The following SP5 variants were observed in gnomAD, a reference collection of about 807,000 sequenced individuals.
SP5 encodes the protein Sp5 transcription factor.
SP5 carries 12 observed loss-of-function variants against 27.4 expected under a neutral mutation model. The ratio of observed to expected loss-of-function variants is 0.44; its 90% CI spans 0.28 to 0.71. The LOEUF is 0.71. SP5 is among the 30% of genes least tolerant of loss of function. The pLI is 0.15. For missense variants in SP5, 660 were observed against 589.8 expected (o/e 1.12, Z -1.23); for synonymous variants, 330 against 290.7 (o/e 1.14, Z -1.38).
Position 170,717,298 on chromosome 2 carries a change from G to A in SP5, c.1091G>A (p.Arg364His), listed in dbSNP as rs1174764296. The change falls in exon 2 of 2, where the codon CGC becomes CAC. Residue 364 changes from arginine (R) to histidine (H), a missense_variant. Physicochemically the swap from Arg to His is conservative, Grantham distance 29. Transcript: ENST00000375281. ...TTTGCCTGTCCCGAGTGCGGCAAGC[G>A]CTTCATGCGCAGCGACCACCTCGCG... Reference protein sequence around the residue: ...KRFACPECGKRFMRSDHLAKH... With the variant: ...KRFACPECGKHFMRSDHLAKH... 35 of 1,609,820 alleles carry A rather than the reference G, an allele frequency of 2.2e-5. No individual in the cohort carries two copies. Among genetic ancestry groups the A allele is most frequent in the Non-Finnish European group, 2.8e-5 (33 of 1,179,860 alleles).
At position 170,716,648 on chromosome 2, in the gene SP5, G is replaced by T; in HGVS notation, c.441G>T (p.Val147=). Residue 147 remains valine, a synonymous_variant, in exon 2 of 2, where the codon GTG becomes GTT. Coordinates refer to ENST00000375281, the MANE Select transcript of SP5 (RefSeq NM_001003845.3). ...ALPASCAPAY[V]PYAAQAALPP... ...CCGCCAGCTGCGCGCCCGCCTACGT[G>T]CCCTACGCGGCGCAGGCCGCGCTGC... 1.2e-6 allele frequency: 2 copies of T among 1,604,446 alleles called. No individual in the cohort carries two copies. Among genetic ancestry groups the T allele is most frequent in the African/African-American group, 2.7e-5 (2 of 74,316 alleles).
chr2:170,716,779 G>A lies in SP5; in HGVS notation c.572G>A (p.Ser191Asn). The change falls in exon 2 of 2, where the codon AGC becomes AAC. Residue 191 changes from serine (S) to asparagine (N), a missense_variant. Physicochemically the swap from Ser to Asn is conservative, Grantham distance 46. Transcript: ENST00000375281. Reference protein sequence around the residue: ...NPAPDDLPWWSIPQAGAGPGA... With the variant: ...NPAPDDLPWWNIPQAGAGPGA... ...GCCCCCGACGACCTCCCGTGGTGGAGCATCCCGCAGGCGGGCGCCGGGCCG... is the reference window on the plus strand; with the variant it reads ...GCCCCCGACGACCTCCCGTGGTGGAACATCCCGCAGGCGGGCGCCGGGCCG... 1 of 1,432,738 alleles carries A rather than the reference G, an allele frequency of 7.0e-7. No homozygotes were observed. Among genetic ancestry groups the A allele is most frequent in the East Asian group, 3.0e-5 (1 of 33,014 alleles). The allele number at this position is 1,432,738 out of a possible 1,614,324, so 88.8% of individuals were successfully genotyped here. A position where few individuals can be genotyped will look rare whatever the true frequency, so the allele number is the denominator to read the frequency against.
At chr2:170,715,598 TG>T in intron 1 of SP5, 35 bp downstream of exon 1, 2 of 1,538,844 alleles carry the variant, frequency 1.3e-6, no homozygotes, top group Non-Finnish European at 8.8e-7. Flanking sequence ...GGGAGAAAGG[TG>T]GAAAGGGCCG....
chr2:170,715,348 G>T lies in SP5; in HGVS notation c.-165G>T. Reference sequence around the variant, plus strand: ...ATCCTGAAGCGCTCAGACCGCGCGCGGGGCGAGCGAGCGGGGCGCGGCGAG... The same window carrying T: ...ATCCTGAAGCGCTCAGACCGCGCGCTGGGCGAGCGAGCGGGGCGCGGCGAG... On this transcript the variant is annotated 5_prime_UTR_variant, in exon 1 of 2. Transcript: ENST00000375281. 6 of 863,376 alleles carry T rather than the reference G, an allele frequency of 6.9e-6. No individual in the cohort carries two copies. The highest frequency in any genetic ancestry group is 2.4e-5 in the South Asian group (1 of 42,200). 53.5% of individuals were successfully genotyped at this position (863,376 alleles called of 1,614,324 possible).
At position 170,715,554 on chromosome 2, in the gene SP5, C is replaced by G. The variant is rs1476107190; in HGVS notation, c.42C>G (p.Ala14=). The change falls in exon 1 of 2, where the codon GCC becomes GCG. Residue 14 remains alanine (A), a synonymous_variant. Transcript: ENST00000375281. ...VAVLRNDSLQ[A]FLQDRTPSAS... Reference sequence around the variant, plus strand: ...TCCTCCGGAACGACTCGCTGCAGGCCTTTCTCCAGGTCAGGGCCGAGCCCG... The same window carrying G: ...TCCTCCGGAACGACTCGCTGCAGGCGTTTCTCCAGGTCAGGGCCGAGCCCG... 5 of 1,557,916 alleles carry G rather than the reference C, an allele frequency of 3.2e-6. No individual in the cohort carries two copies. Among genetic ancestry groups the G allele is most frequent in the Non-Finnish European group, 4.3e-6 (5 of 1,151,752 alleles).
In SP5 at chr2:170,716,722, C is replaced by T; in HGVS notation, c.515C>T (p.Pro172Leu). Reference protein sequence around the residue: ...LLPPPPPPPPPPTCRQLSPNP... With the variant: ...LLPPPPPPPPLPTCRQLSPNP... Reference sequence around the variant, plus strand: ...CCTCCGCCGCCGCCACCGCCCCCGCCGCCCACCTGCCGCCAGTTGTCACCC... The same window carrying T: ...CCTCCGCCGCCGCCACCGCCCCCGCTGCCCACCTGCCGCCAGTTGTCACCC... The change falls in exon 2 of 2, where the codon CCG (proline) becomes CTG (leucine). Residue 172 changes from proline to leucine, a missense_variant. Physicochemically the swap from Pro to Leu is moderately conservative, Grantham distance 98. Transcript: ENST00000375281. The T allele has an allele frequency of 6.7e-7, 1 of 1,489,220 alleles. No homozygotes were observed. Among genetic ancestry groups the T allele is most frequent in the Non-Finnish European group, 8.9e-7 (1 of 1,127,440 alleles). 92.3% of individuals were successfully genotyped at this position (1,489,220 alleles called of 1,614,324 possible).
At position 170,716,828 on chromosome 2, in the gene SP5, C is replaced by G. The variant is rs1401267918; in HGVS notation, c.621C>G (p.Ser207Arg). The G allele has an allele frequency of 3.6e-6, 5 of 1,401,126 alleles. No homozygotes were observed. Among genetic ancestry groups the G allele is most frequent in the Non-Finnish European group, 4.6e-6 (5 of 1,082,888 alleles). The allele number at this position is 1,401,126 out of a possible 1,614,324, so 86.8% of individuals were successfully genotyped here. A position where few individuals can be genotyped will look rare whatever the true frequency, so the allele number is the denominator to read the frequency against. The change falls in exon 2 of 2, where the codon AGC becomes AGG. Residue 207 changes from serine to arginine, a missense_variant. Physicochemically the swap from Ser to Arg is moderately radical, Grantham distance 110. Transcript: ENST00000375281. The part of the protein sequence containing the change: ...AGPGASGVPG[S>R]GLSGACAGAP... ...CGGGGGCCTCCGGGGTTCCGGGAAG[C>G]GGCCTCTCCGGCGCCTGTGCCGGGG... is the stretch of plus-strand genomic sequence containing the variant.
In SP5 at chr2:170,717,067, A is replaced by T; in HGVS notation, c.860A>T (p.Glu287Val). The T allele has an allele frequency of 6.4e-7, 1 of 1,554,622 alleles. No homozygotes were observed. The highest frequency in any genetic ancestry group is 8.7e-7 in the Non-Finnish European group (1 of 1,150,294). ...PNCQAAGGAP[E>V]AEPGKKKQHV... is the part of the protein sequence containing the mutation. ...TGCCAGGCGGCGGGCGGCGCCCCCG[A>T]GGCGGAGCCGGGGAAGAAGAAGCAG... The change falls in exon 2 of 2, where the codon GAG becomes GTG. Residue 287 changes from glutamate (E) to valine (V), a missense_variant. Glu to Val is a moderately radical substitution (Grantham distance 121). Coordinates refer to ENST00000375281, the MANE Select transcript of SP5 (RefSeq NM_001003845.3).
chr2:170,716,161 C>T, intron 1 of SP5, 98 bp from the exon 2 acceptor site: 19 of 1,432,160 alleles, frequency 1.3e-5, no homozygotes, highest in East Asian at 2.7e-5. Context: ...GGAGGGGCGG[C>T]GGTATAATAG....
Position 170,717,398 on chromosome 2 carries a change from C to A in SP5, c.1191C>A (p.Asp397Glu). The A allele has an allele frequency of 6.2e-7, 1 of 1,610,562 alleles. No homozygotes were observed. Among genetic ancestry groups the A allele is most frequent in the African/African-American group, 1.3e-5 (1 of 75,054 alleles). The change falls in exon 2 of 2, where the codon GAC becomes GAA. Residue 397 changes from aspartate (D) to glutamate (E), a missense_variant. Transcript: ENST00000375281. ...EAGVKREDARDL is the reference protein window; with the variant it reads ...EAGVKREDAREL ...GGGTTAAGCGGGAGGACGCGCGGGA[C>A]CTGTGAGCCCTCCCGGAGGTGGACC... is the stretch of plus-strand genomic sequence containing the variant.
chr2:170,716,704 C>A lies in SP5; in HGVS notation c.497C>A (p.Pro166Gln). 1 of 1,504,388 alleles carries A rather than the reference C, an allele frequency of 6.6e-7. No homozygotes were observed. Among genetic ancestry groups the A allele is most frequent in the South Asian group, 1.2e-5 (1 of 80,126 alleles). The allele number at this position is 1,504,388 out of a possible 1,614,324, so 93.2% of individuals were successfully genotyped here. ...GGCTACTCCAACCTGCTGCCTCCGC[C>A]GCCGCCACCGCCCCCGCCGCCCACC... The part of the protein sequence containing the change: ...PPGYSNLLPP[P>Q]PPPPPPPTCR... Residue 166 changes from proline to glutamine, a missense_variant, in exon 2 of 2, where the codon CCG (proline) becomes CAG (glutamine). Transcript: ENST00000375281.
Position 170,715,557 on chromosome 2 carries a change from T to A in SP5, c.45T>A (p.Phe15Leu). Residue 15 changes from phenylalanine to leucine, a missense_variant, in exon 1 of 2, where the codon TTT (phenylalanine) becomes TTA (leucine). Coordinates refer to ENST00000375281, the MANE Select transcript of SP5 (RefSeq NM_001003845.3). ...AVLRNDSLQA[F>L]LQDRTPSASP... ...TCCGGAACGACTCGCTGCAGGCCTT[T>A]CTCCAGGTCAGGGCCGAGCCCGGAG... The A allele has an allele frequency of 6.4e-7, 1 of 1,557,196 alleles. No individual in the cohort carries two copies. The highest frequency in any genetic ancestry group is 8.7e-7 in the Non-Finnish European group (1 of 1,151,374).
Position 170,715,487 on chromosome 2 carries a change from C to CAGCCAGGGGCCTGCAAGCCGT in SP5, c.-20_1dup. The CAGCCAGGGGCCTGCAAGCCGT allele has an allele frequency of 1.3e-6, 2 of 1,546,004 alleles. No individual in the cohort carries two copies. Among genetic ancestry groups the CAGCCAGGGGCCTGCAAGCCGT allele is most frequent in the Non-Finnish European group, 1.7e-6 (2 of 1,145,572 alleles). On this transcript the variant is annotated 5_prime_UTR_variant, in exon 1 of 2. Coordinates refer to ENST00000375281, the MANE Select transcript of SP5 (RefSeq NM_001003845.3). ...GCCTCGGCGGCGGCGTCCCGCTCCG[C>CAGCCAGGGGCCTGCAAGCCGT]AGCCAGGGGCCTGCAAGCCGTAGCC...
Position 170,716,619 on chromosome 2 carries a change from C to G in SP5, c.412C>G (p.Leu138Val), listed in dbSNP as rs376892468. ...GATGCTGCCCTCGAGCATGGCGGCT[C>G]TGCCCGCCAGCTGCGCGCCCGCCTA... Reference protein sequence around the residue: ...VKMLPSSMAALPASCAPAYVP... With the variant: ...VKMLPSSMAAVPASCAPAYVP... The change falls in exon 2 of 2, where the codon CTG (leucine) becomes GTG (valine). Residue 138 changes from leucine to valine, a missense_variant. Coordinates refer to ENST00000375281, the MANE Select transcript of SP5 (RefSeq NM_001003845.3). The G allele has an allele frequency of 1.5e-4, 241 of 1,607,954 alleles. 1 individual carries two copies. The African/African-American group carries it at 2.6e-3, about 17-fold the overall frequency.
rs1443879433 is a variant in SP5, at chr2:170,715,475, CG to C, written c.-37del. On this transcript the variant is annotated 5_prime_UTR_variant, in exon 1 of 2. The change abolishes the stop of an existing upstream ORF in the 5' untranslated region. Coordinates refer to ENST00000375281, the MANE Select transcript of SP5 (RefSeq NM_001003845.3). ...TCGGGTGTCCATGCCTCGGCGGCGG[CG>C]TCCCGCTCCGCAGCCAGGGGCCTGC... The C allele has an allele frequency of 6.5e-7, 1 of 1,541,714 alleles. No individual in the cohort carries two copies. The highest frequency in any genetic ancestry group is 8.7e-7 in the Non-Finnish European group (1 of 1,144,498).
In SP5 at chr2:170,716,824, G is replaced by T; in HGVS notation, c.617G>T (p.Gly206Val). 7.1e-7 allele frequency: 1 copy of T among 1,402,008 alleles called. No individual in the cohort carries two copies. The allele number at this position is 1,402,008 out of a possible 1,614,324, so 86.8% of individuals were successfully genotyped here. A position where few individuals can be genotyped will look rare whatever the true frequency, so the allele number is the denominator to read the frequency against. Residue 206 changes from glycine to valine, a missense_variant, in exon 2 of 2, where the codon GGA becomes GTA. By Grantham distance (109) the Gly-to-Val change is moderately radical. Transcript: ENST00000375281. ...GAGPGASGVP[G>V]SGLSGACAGA... The stretch of plus-strand genomic sequence containing the variant: ...GGGCCGGGGGCCTCCGGGGTTCCGG[G>T]AAGCGGCCTCTCCGGCGCCTGTGCC...
rs953414638 is a variant in SP5 at position 170,717,673 on chromosome 2, C to T, written c.*269C>T. 3.7e-6 allele frequency: 2 copies of T among 546,900 alleles called. No individual in the cohort carries two copies. Among genetic ancestry groups the T allele is most frequent in the Admixed American group, 6.5e-5 (2 of 30,652 alleles). 33.9% of individuals were successfully genotyped at this position (546,900 alleles called of 1,614,324 possible). A position where few individuals can be genotyped will look rare whatever the true frequency, so the allele number is the denominator to read the frequency against. On this transcript the variant is annotated 3_prime_UTR_variant, in exon 2 of 2. Transcript: ENST00000375281. ...CCAAACTCTAAACCGTTCCCACCGT[C>T]AGGGAGACCTACAGTTTCGGGGGAC...
At chr2:170,716,204 C>G (rs1246233022) in intron 1 of SP5, 55 bp from the exon 2 acceptor site, 7 of 1,541,226 alleles carry the variant, frequency 4.5e-6, no homozygotes, top group Non-Finnish European at 5.2e-6. Flanking sequence ...GCCCGGAGTC[C>G]GCGCTTGGAG....
rs1700083307 is a variant in SP5, at chr2:170,716,925, C to G, written c.718C>G (p.Leu240Val). ...GGCCGCCGCCGCCCTACAAAGAGGC[C>G]TGGTGTTGGGCCCGTCGGACTTTGC... ...AAAAAALQRG[L>V]VLGPSDFAQY... The change falls in exon 2 of 2, where the codon CTG becomes GTG. Residue 240 changes from leucine to valine, a missense_variant. By Grantham distance (32) the Leu-to-Val change is conservative. Transcript: ENST00000375281. 2 of 1,546,086 alleles carry G rather than the reference C, an allele frequency of 1.3e-6. No homozygotes were observed. The highest frequency in any genetic ancestry group is 1.7e-6 in the Non-Finnish European group (2 of 1,145,758).
Sources: gnomAD v4.1 joint callset for allele counts on GRCh38, gnomAD v4.1.1 for gene constraint, MANE v1.5 for transcripts, NCBI Gene and HGNC (gene_info 2026-07-23, HGNC 2026-07-21) for gene names.